Variants in TAFA1 observed in about 807,000 individuals in gnomAD.
TAFA1 encodes chemokine-like protein TAFA-1.
TAFA1 carries 4 observed loss-of-function variants against 18.5 expected under a neutral mutation model. The ratio of observed to expected loss-of-function variants is 0.22; its 90% CI spans 0.11 to 0.49. The LOEUF is 0.49. Ranked by LOEUF, TAFA1 falls within the 20% of genes least tolerant of loss-of-function variation. TAFA1 has a pLI of 0.98. For synonymous variants in TAFA1, 56 were observed against 55.2 expected (o/e 1.01, Z -0.06); for missense variants, 147 against 169.0 (o/e 0.87, Z 0.72).
intron 3 of TAFA1, among the ~76,000 whole-genome samples, chr3:68,527,489 T>C (rs987993520): frequency 1.3e-5 from 2 of 152,202 alleles, no homozygotes; most frequent in Non-Finnish European, 2.9e-5. Flanking sequence ...AATATATACT[T>C]ACTTGTTTTA....
At chr3:68,023,984 C>G (rs78614335) in intron 2 of TAFA1, among the ~76,000 whole-genome samples, 2,698 of 152,208 alleles carry the variant, frequency 0.018, 99 homozygotes, top group African/African-American at 0.062. Flanking sequence ...TGAATCTAAT[C>G]TGTGAACTGA....
At chr3:68,006,859 T>A (rs1313772489) in intron 2 of TAFA1, 115 bp downstream of exon 2, 1 of 733,724 alleles carries the variant, frequency 1.4e-6, no homozygotes, top group Non-Finnish European at 2.4e-6. Context: ...TGCCTTTGAA[T>A]TCCAAGACAT....
intron 2 of TAFA1, among the ~76,000 whole-genome samples, chr3:68,361,786 ATTT>A (rs986142810): frequency 6.6e-6 from 1 of 152,088 alleles, no homozygotes; most frequent in Non-Finnish European, 1.5e-5. Flanking sequence ...TTTGCACATT[ATTT>A]AATTTACTTG....
At chr3:68,260,799 C>T (rs2067403034) in intron 2 of TAFA1, among the ~76,000 whole-genome samples, 2 of 152,090 alleles carry the variant, frequency 1.3e-5, no homozygotes, top group Non-Finnish European at 2.9e-5. Context: ...ACATGTTAGA[C>T]CTAAAACCAT....
At chr3:68,282,937 A>T (rs954225971) in intron 2 of TAFA1, among the ~76,000 whole-genome samples, 1 of 152,142 alleles carries the variant, frequency 6.6e-6, no homozygotes, top group Non-Finnish European at 1.5e-5. Flanking sequence ...GTCCTGAATT[A>T]TACTAGGGTT....
intron 2 of TAFA1, among the ~76,000 whole-genome samples, chr3:68,054,985 A>G (rs2064515761): frequency 6.6e-6 from 1 of 152,062 alleles, no homozygotes; most frequent in African/African-American, 2.4e-5. Flanking sequence ...ATAATGAGAT[A>G]TGTACCTCTA....
At chr3:68,308,871 A>G (rs538503796) in intron 2 of TAFA1, among the ~76,000 whole-genome samples, 2 of 152,268 alleles carry the variant, frequency 1.3e-5, no homozygotes, top group African/African-American at 4.8e-5. Flanking sequence ...CTGGAATAGT[A>G]TCTTAATTTA....
chr3:68,077,152 G>A (rs1311046272), intron 2 of TAFA1, among the ~76,000 whole-genome samples: 95 of 148,948 alleles, frequency 6.4e-4, no homozygotes, highest in Non-Finnish European at 1.1e-3. Flanking sequence ...TTTTGATGGG[G>A]TTGTTTGTTT....
intron 2 of TAFA1, among the ~76,000 whole-genome samples, chr3:68,121,894 G>C (rs1181349080): frequency 6.6e-6 from 1 of 151,880 alleles, no homozygotes; most frequent in Non-Finnish European, 1.5e-5. Context: ...TGGGAGGAGG[G>C]AAGATTAATT....
In TAFA1 at chr3:68,163,912, C is replaced by T. The variant is rs376430125; in HGVS notation, c.118+157168C>T. On this transcript the variant is annotated intron_variant, in intron 2 of 4. Transcript: ENST00000478136. ...TTCCAGGACAAAAAGAAACTAAATCCCATCTAGACTTTTGCAGTTTAAACT... is the reference window on the plus strand; with the variant it reads ...TTCCAGGACAAAAAGAAACTAAATCTCATCTAGACTTTTGCAGTTTAAACT... 2.0e-5 allele frequency among the ~76,000 whole-genome samples: 3 copies of T among 152,260 alleles called. No individual in the cohort carries two copies. The South Asian group carries it at 6.2e-4, about 32-fold the overall frequency.
At chr3:68,457,536 C>T (rs777678648) in intron 3 of TAFA1, among the ~76,000 whole-genome samples, 64 of 152,070 alleles carry the variant, frequency 4.2e-4, no homozygotes, top group Non-Finnish European at 6.9e-4. Flanking sequence ...TCATGTTGCT[C>T]AAGGGCCAAC....
intron 2 of TAFA1, among the ~76,000 whole-genome samples, chr3:68,360,624 A>G (rs1018822333): frequency 3.9e-5 from 6 of 151,962 alleles, no homozygotes; most frequent in African/African-American, 1.2e-4. Context: ...GGTACCATTA[A>G]TATTGCCACA....
intron 2 of TAFA1, among the ~76,000 whole-genome samples, chr3:68,360,296 T>A (rs963164733): frequency 1.3e-5 from 2 of 151,986 alleles, no homozygotes; most frequent in African/African-American, 4.8e-5. Flanking sequence ...ATGCAAGACT[T>A]TTATGATTAA....
At chr3:68,268,392 G>A (rs192210752) in intron 2 of TAFA1, among the ~76,000 whole-genome samples, 11 of 152,214 alleles carry the variant, frequency 7.2e-5, no homozygotes, top group East Asian at 3.9e-4. Context: ...TGTGGCCCCC[G>A]TGACTCAACT....
rs140278631 is a variant in TAFA1, at chr3:68,098,328, A to G, written c.118+91584A>G. Among the ~76,000 whole-genome samples the G allele has an allele frequency of 3.9e-5, 6 of 152,220 alleles. No individual in the cohort carries two copies. The East Asian group carries it at 1.2e-3, about 29-fold the overall frequency. ...CTTCTTAAGAAGAGCAGAATTTTCT[A>G]TTATGCTGTGCCACTTCTGTCTTTT... is the stretch of plus-strand genomic sequence containing the variant. On this transcript the variant is annotated intron_variant, in intron 2 of 4. Transcript: ENST00000478136.
intron 2 of TAFA1, among the ~76,000 whole-genome samples, chr3:68,133,243 G>A (rs373202984): frequency 1.2e-4 from 19 of 152,082 alleles, no homozygotes; most frequent in East Asian, 5.8e-4. Flanking sequence ...TTTTGGTACC[G>A]GTACCATGCT....
intron 2 of TAFA1, among the ~76,000 whole-genome samples, chr3:68,379,127 A>G (rs74691968): frequency 6.6e-6 from 1 of 152,136 alleles, no homozygotes; most frequent in East Asian, 1.9e-4. Context: ...ACTCCCACCA[A>G]CAGAGTATAA....
rs374848929 is a variant in TAFA1 at position 68,463,347 on chromosome 3, ACT to A, written c.259+45928_259+45929del. Among the ~76,000 whole-genome samples the A allele has an allele frequency of 3.3e-3, 496 of 152,322 alleles. 4 individuals carry two copies. The highest frequency in any genetic ancestry group is 0.011 in the African/African-American group (463 of 41,588). Reference sequence around the variant, plus strand: ...TTTCCTGGAGCATAGTGGAAAAACCACTGTTTCATTTCAGAACTGATTTAAAC... The same window carrying A: ...TTTCCTGGAGCATAGTGGAAAAACCAGTTTCATTTCAGAACTGATTTAAAC... On this transcript the variant is annotated intron_variant, in intron 3 of 4. Coordinates refer to ENST00000478136, the MANE Select transcript of TAFA1 (RefSeq NM_213609.4).
At chr3:68,205,995 T>A (rs1313013312) in intron 2 of TAFA1, among the ~76,000 whole-genome samples, 1 of 151,892 alleles carries the variant, frequency 6.6e-6, no homozygotes, top group Non-Finnish European at 1.5e-5. Flanking sequence ...CGATTAAAGA[T>A]ATAACCTAAA....
Sources: gnomAD v4.1 joint callset for allele counts (sites outside exome capture counted in the v4.1 genomes callset) on GRCh38, gnomAD v4.1.1 for gene constraint, MANE v1.5 for transcripts, NCBI Gene and HGNC (gene_info 2026-07-23, HGNC 2026-07-21) for gene names.